TTYH2: variants seen among roughly 807,000 people sequenced by gnomAD.
TTYH2 encodes tweety family member 2.
In TTYH2, 49 loss-of-function variants were observed where a neutral mutation model predicts 68.3. The ratio of observed to expected loss-of-function variants is 0.72; its 90% CI spans 0.57 to 0.91. The LOEUF is 0.91. Ranked by LOEUF, TTYH2 falls within the 40% of genes least tolerant of loss-of-function variation. The pLI, the probability that TTYH2 is intolerant of heterozygous loss-of-function variation, is 0.00. For missense variants in TTYH2, 631 were observed against 700.4 expected, an observed-to-expected ratio of 0.90 and a Z score of 1.12; for synonymous variants, 272 against 300.8, an observed-to-expected ratio of 0.90 and a Z score of 0.99.
At chr17:74,258,916 C>T (rs1337084595) in intron 13 of TTYH2, among the ~76,000 whole-genome samples, 5 of 152,106 alleles carry the variant, frequency 3.3e-5, no homozygotes, top group Admixed American at 2.0e-4. Flanking sequence ...CATTCCATTC[C>T]CCCTGATGTG....
intron 13 of TTYH2, among the ~76,000 whole-genome samples, chr17:74,257,329 G>A (rs2050702939): frequency 6.6e-6 from 1 of 152,138 alleles, no homozygotes; most frequent in African/African-American, 2.4e-5. Flanking sequence ...ACCTAGCCCA[G>A]CCTGCCCTGG....
At chr17:74,228,626 A>G (rs2143732698) in intron 2 of TTYH2, among the ~76,000 whole-genome samples, 1 of 152,108 alleles carries the variant, frequency 6.6e-6, no homozygotes, top group South Asian at 2.1e-4. Flanking sequence ...CACTATAGGA[A>G]GGAGGAGAGA....
In TTYH2 at chr17:74,213,754, C is replaced by T. The variant is rs1032530548; in HGVS notation, c.129+38C>T. ...CGCCCCAGACCGCAGCCACGCGCGC[C>T]CCAAGTCCCCGCACTACCCCCTCTC... On this transcript the variant is annotated intron_variant, in intron 1 of 13. Coordinates refer to ENST00000269346, the MANE Select transcript of TTYH2 (RefSeq NM_032646.6). This position sits in a 1 kb window ranked among gnomAD's most constrained non-coding sequence, Gnocchi z 6.1. 3 of 1,600,404 alleles carry T rather than the reference C, an allele frequency of 1.9e-6. No individual in the cohort carries two copies. Among genetic ancestry groups the T allele is most frequent in the African/African-American group, 1.3e-5 (1 of 74,236 alleles).
chr17:74,234,805 G>A (rs1038318392), intron 3 of TTYH2, among the ~76,000 whole-genome samples: 3 of 152,182 alleles, frequency 2.0e-5, no homozygotes, highest in African/African-American at 7.2e-5. Context: ...TAGAAATATA[G>A]AAATATAGAA....
chr17:74,249,892 GGGAGACGGAGCCTCACTGTGGGGCTGT>G lies in TTYH2; in HGVS notation c.931-42_931-16del, dbSNP rs1311402168. ...GACGGAGCCTCACTGTGGGGCTCCT[GGGAGACGGAGCCTCACTGTGGGGCTGT>G]GTCTTTCCTGGCTCAGACCCTGACC... On this transcript the variant is annotated splice_polypyrimidine_tract_variant and intron_variant, in intron 8 of 13. Transcript: ENST00000269346. 1.1e-6 allele frequency: 1 copy of G among 927,030 alleles called. No homozygotes were observed. 57.4% of individuals were successfully genotyped at this position (927,030 alleles called of 1,614,324 possible).
chr17:74,253,288 A>C (rs763437199), intron 12 of TTYH2, 22 bp downstream of exon 12: 2 of 1,561,688 alleles, frequency 1.3e-6, no homozygotes, highest in Non-Finnish European at 8.6e-7. Context: ...ACACACACCC[A>C]GGCTGGGTAG....
intron 3 of TTYH2, among the ~76,000 whole-genome samples, chr17:74,236,562 C>A (rs1355974868): frequency 6.6e-6 from 1 of 152,204 alleles, no homozygotes; most frequent in Non-Finnish European, 1.5e-5. Flanking sequence ...ACAGCAGGGG[C>A]CACGTGGTGG....
intron 10 of TTYH2, among the ~76,000 whole-genome samples, chr17:74,251,043 CGTGCGTGTGTCTGT>C (rs1227731992): frequency 1.4e-5 from 2 of 140,144 alleles, no homozygotes; most frequent in African/African-American, 5.6e-5. Flanking sequence ...TGTGTGTGCA[CGTGCGTGTGTCTGT>C]GTGTGTGTGC....
intron 3 of TTYH2, among the ~76,000 whole-genome samples, chr17:74,233,514 G>A (rs543664237): frequency 3.9e-4 from 60 of 152,260 alleles, no homozygotes; most frequent in African/African-American, 1.0e-3. Context: ...CGCTGTGGGC[G>A]GCAGAGGCAG....
Position 74,237,485 on chromosome 17 carries a change from C to T in TTYH2, c.606C>T (p.Ser202=), listed in dbSNP as rs563788375. ...REVTMELTKL[S]DQTGYVEYYR... is the part of the protein sequence containing the mutation. ...TCACCATGGAGCTGACCAAGCTATC[C>T]GACCAGACTGGCTACGTGGAGTACT... Residue 202 remains serine, a synonymous_variant, in exon 4 of 14, where the codon TCC becomes TCT. Coordinates refer to ENST00000269346, the MANE Select transcript of TTYH2 (RefSeq NM_032646.6). 57 of 1,613,430 alleles carry T rather than the reference C, an allele frequency of 3.5e-5. No homozygotes were observed. The highest frequency in any genetic ancestry group is 3.2e-4 in the South Asian group (29 of 91,028).
At chr17:74,259,899 T>A (rs2143792690) in intron 13 of TTYH2, among the ~76,000 whole-genome samples, 1 of 152,262 alleles carries the variant, frequency 6.6e-6, no homozygotes, top group South Asian at 2.1e-4. Context: ...ACAGGCTGGA[T>A]GCTGGGGGTG....
At chr17:74,226,068 G>C (rs2050326553) in intron 2 of TTYH2, among the ~76,000 whole-genome samples, 1 of 152,254 alleles carries the variant, frequency 6.6e-6, no homozygotes, top group Non-Finnish European at 1.5e-5. Flanking sequence ...GGGTGGCAGT[G>C]CTATCCTCCA....
At position 74,213,751 on chromosome 17, in the gene TTYH2, C is replaced by T. The variant is rs2050194811; in HGVS notation, c.129+35C>T. 1 of 1,601,302 alleles carries T rather than the reference C, an allele frequency of 6.2e-7. No individual in the cohort carries two copies. On this transcript the variant is annotated intron_variant, in intron 1 of 13. Coordinates refer to ENST00000269346, the MANE Select transcript of TTYH2 (RefSeq NM_032646.6). The surrounding 1 kb of genome is among the most constrained non-coding windows in gnomAD (Gnocchi z 6.1). ...CGCCGCCCCAGACCGCAGCCACGCGCGCCCCAAGTCCCCGCACTACCCCCT... is the reference window on the plus strand; with the variant it reads ...CGCCGCCCCAGACCGCAGCCACGCGTGCCCCAAGTCCCCGCACTACCCCCT...
intron 2 of TTYH2, among the ~76,000 whole-genome samples, chr17:74,226,223 C>T (rs1390640323): frequency 6.6e-6 from 1 of 152,186 alleles, no homozygotes; most frequent in Non-Finnish European, 1.5e-5. Context: ...GTGTGGAAGT[C>T]ACACACATGG....
At chr17:74,246,133 G>A (rs2050555670) in intron 6 of TTYH2, among the ~76,000 whole-genome samples, 1 of 152,216 alleles carries the variant, frequency 6.6e-6, no homozygotes, top group South Asian at 2.1e-4. Flanking sequence ...GGGTTCAGCT[G>A]TGAGGGAGGA....
chr17:74,259,716 GGAAACTGAGGCTAGAAAAGGCTGGA>G (rs1179078739), intron 13 of TTYH2, among the ~76,000 whole-genome samples: 1 of 152,098 alleles, frequency 6.6e-6, no homozygotes, highest in East Asian at 1.9e-4. Flanking sequence ...TTGCAGGTAG[GGAAACTGAGGCTAGAAAAGGCTGGA>G]GAACCTAAGC....
intron 3 of TTYH2, 67 bp downstream of exon 3, chr17:74,231,066 G>GC: frequency 7.0e-7 from 1 of 1,428,824 alleles, no homozygotes; most frequent in South Asian, 1.2e-5. Flanking sequence ...CAGAGCAAGG[G>GC]CCCCCGTCAG....
In TTYH2 at chr17:74,252,344, A is replaced by G. The variant is rs4789640; in HGVS notation, c.1227A>G (p.Ala409=). The G allele has an allele frequency of 0.4, 641,003 of 1,613,126 alleles. 131,012 individuals carry two copies. Among genetic ancestry groups the G allele is most frequent in the African/African-American group, 0.54 (40,566 of 74,994 alleles). ...AALAFSTMIC[A]GPRAWKHFTT... is the part of the protein sequence containing the mutation. ...TCGCCTTCTCCACCATGATCTGTGC[A>G]GGGCCAAGGGCCTGGAAGCACTTCA... The change falls in exon 11 of 14, where the codon GCA becomes GCG. Residue 409 remains alanine (A), a synonymous_variant. Transcript: ENST00000269346.
At chr17:74,224,579 A>G (rs2050311405) in intron 2 of TTYH2, among the ~76,000 whole-genome samples, 1 of 152,100 alleles carries the variant, frequency 6.6e-6, no homozygotes, top group African/African-American at 2.4e-5. Context: ...CCATCCCACA[A>G]CATTCTGGGC....
Sources: gnomAD v4.1 joint callset for allele counts (sites outside exome capture counted in the v4.1 genomes callset) on GRCh38, gnomAD v4.1.1 for gene constraint, Gnocchi (gnomAD v3.1) non-coding constraint, MANE v1.5 for transcripts, NCBI Gene and HGNC (gene_info 2026-07-23, HGNC 2026-07-21) for gene names.